The following SCN8A variants were observed in gnomAD, a reference collection of about 807,000 sequenced individuals.
SCN8A encodes the protein sodium channel protein type 8 subunit alpha.
A neutral mutation model predicts 184.1 loss-of-function variants in SCN8A; 30 were observed. That is an observed-to-expected ratio of 0.16 (90% confidence interval 0.12 to 0.22). The LOEUF is 0.22. SCN8A is among the 10% of genes least tolerant of loss of function. The probability of loss-of-function intolerance (pLI) is 1.00; values close to 1 mark genes in which losing one functional copy is unlikely to be tolerated. For synonymous variants in SCN8A, 852 were observed against 907.0 expected, an observed-to-expected ratio of 0.94 and a Z score of 1.09; for missense variants, 1,057 against 2,498.9, an observed-to-expected ratio of 0.42 and a Z score of 12.30.
At chr12:51,706,009 A>G (rs1435696810) in intron 10 of SCN8A, among the ~76,000 whole-genome samples, 1 of 152,230 alleles carries the variant, frequency 6.6e-6, no homozygotes, top group East Asian at 1.9e-4. Context: ...CAGGCAAAAT[A>G]TTAAAGTAAA....
At chr12:51,716,977 T>C (rs1426512734) in intron 11 of SCN8A, among the ~76,000 whole-genome samples, 2 of 152,150 alleles carry the variant, frequency 1.3e-5, no homozygotes, top group Non-Finnish European at 2.9e-5. Context: ...GGCCAGAGCC[T>C]TCCAAAATTA....
chr12:51,800,110 C>A (rs532792515), intron 26 of SCN8A, among the ~76,000 whole-genome samples: 1 of 152,326 alleles, frequency 6.6e-6, no homozygotes, highest in East Asian at 1.9e-4. Context: ...AGTTTATATA[C>A]CCCTGAGGTA....
At chr12:51,759,046 TAAC>T (rs1319167153) in intron 14 of SCN8A, among the ~76,000 whole-genome samples, 2 of 151,728 alleles carry the variant, frequency 1.3e-5, no homozygotes, top group African/African-American at 4.8e-5. Context: ...ACGTACCACA[TAAC>T]AACATTTTGG....
At chr12:51,795,302 C>T (rs980519744) in intron 26 of SCN8A, among the ~76,000 whole-genome samples, 1 of 152,202 alleles carries the variant, frequency 6.6e-6, no homozygotes, top group Admixed American at 6.5e-5. Flanking sequence ...TTTGCTTCAA[C>T]CTAAAAGTGT....
At chr12:51,591,591 CTG>C (rs1939218941) in intron 1 of SCN8A, among the ~76,000 whole-genome samples, 1 of 152,182 alleles carries the variant, frequency 6.6e-6, no homozygotes, top group Non-Finnish European at 1.5e-5. Flanking sequence ...CTTAAGAGAA[CTG>C]AGGACCACCA....
At chr12:51,757,792 A>G (rs1030708502) in intron 14 of SCN8A, among the ~76,000 whole-genome samples, 6 of 151,874 alleles carry the variant, frequency 4.0e-5, no homozygotes, top group African/African-American at 1.4e-4. Flanking sequence ...ATCTCAAAAA[A>G]CAAAACACAA....
chr12:51,723,080 G>A (rs1942095072), intron 12 of SCN8A: 1 of 152,194 alleles, frequency 6.6e-6, no homozygotes, highest in Non-Finnish European at 1.5e-5. Context: ...TGCATGTATG[G>A]AGGAAAACTG....
At chr12:51,788,603 C>A in intron 22 of SCN8A, 92 bp from the exon 23 acceptor site, 1 of 912,018 alleles carries the variant, frequency 1.1e-6, no homozygotes, top group Non-Finnish European at 1.6e-6. Flanking sequence ...TCTGTGTTCT[C>A]ACTGAACCTA....
Position 51,773,129 on chromosome 12 carries a change from A to G in SCN8A, c.3646-1060A>G, listed in dbSNP as rs528830659. Among the ~76,000 whole-genome samples the G allele has an allele frequency of 9.9e-5, 15 of 152,118 alleles. No homozygotes were observed. In the South Asian group the frequency reaches 2.3e-3, roughly 23 times the overall value. On this transcript the variant is annotated intron_variant, in intron 19 of 26. Transcript: ENST00000627620. ...GAGACTCCGTCTCCAAAAAAAAAAA[A>G]AGAGAGAAAGTGGAGCACCTGATAT...
At chr12:51,673,533 GA>G (rs1941169288) in intron 2 of SCN8A, among the ~76,000 whole-genome samples, 1 of 152,192 alleles carries the variant, frequency 6.6e-6, no homozygotes, top group Non-Finnish European at 1.5e-5. Context: ...CTAAGGGGTA[GA>G]AAAGTGACCG....
At chr12:51,710,513 G>T (rs1941856525) in intron 11 of SCN8A, among the ~76,000 whole-genome samples, 1 of 152,022 alleles carries the variant, frequency 6.6e-6, no homozygotes, top group African/African-American at 2.4e-5. Context: ...CAAAAAATTG[G>T]CCAGGCGTGG....
chr12:51,712,474 G>A (rs982237214), intron 11 of SCN8A: 34 of 768,238 alleles, frequency 4.4e-5, no homozygotes, highest in Middle Eastern at 2.2e-4. Flanking sequence ...AGAACCTTCT[G>A]CTACTATATC....
At chr12:51,728,486 C>A (rs372594872) in intron 12 of SCN8A, among the ~76,000 whole-genome samples, 1 of 152,120 alleles carries the variant, frequency 6.6e-6, no homozygotes, top group Non-Finnish European at 1.5e-5. Flanking sequence ...GTAATCCCAA[C>A]GCTTTGGGAG....
rs762791287 is a variant in SCN8A at position 51,765,928 on chromosome 12, C to T, written c.2802C>T (p.Cys934=). Residue 934 remains cysteine (C), a synonymous_variant, in exon 16 of 27, where the codon TGC becomes TGT. Coordinates refer to ENST00000627620, the MANE Select transcript of SCN8A (RefSeq NM_001330260.2). ...HSFLIVFRVL[C]GEWIETMWDC... ...TCCTCATTGTCTTTCGAGTGTTGTGCGGGGAGTGGATTGAGACCATGTGGG... is the reference window on the plus strand; with the variant it reads ...TCCTCATTGTCTTTCGAGTGTTGTGTGGGGAGTGGATTGAGACCATGTGGG... 24 of 1,613,896 alleles carry T rather than the reference C, an allele frequency of 1.5e-5. No homozygotes were observed. The Admixed American group carries it at 1.7e-4, about 11-fold the overall frequency.
rs1435099653 is a variant in SCN8A at position 51,790,910 on chromosome 12, A to G, written c.4524+408A>G. 2.6e-5 allele frequency among the ~76,000 whole-genome samples: 4 copies of G among 152,214 alleles called. No individual in the cohort carries two copies. The East Asian group carries it at 7.7e-4, about 29-fold the overall frequency. On this transcript the variant is annotated intron_variant, in intron 25 of 26. Coordinates refer to ENST00000627620, the MANE Select transcript of SCN8A (RefSeq NM_001330260.2). Reference sequence around the variant, plus strand: ...TGCTCAATAAGGATGTCTTTGCAGGATGTATCTAGAAGTTAAAATCATGCT... The same window carrying G: ...TGCTCAATAAGGATGTCTTTGCAGGGTGTATCTAGAAGTTAAAATCATGCT...
Position 51,662,664 on chromosome 12 carries a change from T to C in SCN8A, c.-54-100T>C, listed in dbSNP as rs189513120. On this transcript the variant is annotated intron_variant, in intron 1 of 26. Transcript: ENST00000627620. The stretch of plus-strand genomic sequence containing the variant: ...CATGGAAGAAACTATGTGTTTTTTT[T>C]GCAAAGGTTGTGAATTAAGGTTGAG... 19 of 720,658 alleles carry C rather than the reference T, an allele frequency of 2.6e-5. No individual in the cohort carries two copies. In the Admixed American group the frequency reaches 4.5e-4, roughly 17 times the overall value. 44.6% of individuals were successfully genotyped at this position (720,658 alleles called of 1,614,324 possible). A position where few individuals can be genotyped will look rare whatever the true frequency, so the allele number is the denominator to read the frequency against.
chr12:51,593,697 T>G (rs1939283062), intron 1 of SCN8A, among the ~76,000 whole-genome samples: 1 of 152,126 alleles, frequency 6.6e-6, no homozygotes. Context: ...TTTTTTGCTT[T>G]TTATTATCAG....
intron 19 of SCN8A, among the ~76,000 whole-genome samples, chr12:51,773,968 A>C (rs530751109): frequency 8.1e-4 from 123 of 152,334 alleles, no homozygotes; most frequent in Non-Finnish European, 1.5e-3. Context: ...CTCTGAATAT[A>C]CTAAAAGCCA....
chr12:51,736,929 T>C (rs1039132661), intron 12 of SCN8A, among the ~76,000 whole-genome samples: 2 of 152,338 alleles, frequency 1.3e-5, no homozygotes, highest in East Asian at 1.9e-4. Flanking sequence ...AATAAGAAGC[T>C]TTACCATTAC....
Sources: allele counts gnomAD v4.1 joint callset (sites outside exome capture counted in the v4.1 genomes callset), GRCh38; gene constraint gnomAD v4.1.1; transcripts MANE v1.5; gene names NCBI Gene and HGNC (gene_info 2026-07-23, HGNC 2026-07-21).